Variants in CORO2A observed in about 807,000 individuals in gnomAD.
CORO2A encodes the protein coronin-2A.
CORO2A carries 47 observed loss-of-function variants against 62.4 expected under a neutral mutation model. The ratio of observed to expected loss-of-function variants is 0.75; its 90% CI spans 0.60 to 0.96. The LOEUF (loss-of-function observed/expected upper bound fraction) is 0.96, where lower values mean the gene tolerates loss of function less well. CORO2A is among the 40% of genes least tolerant of loss of function. CORO2A has a pLI of 0.00. For missense variants in CORO2A, 610 were observed against 684.1 expected (o/e 0.89, Z 1.21); for synonymous variants, 273 against 268.9 (o/e 1.02, Z -0.15).
In CORO2A at chr9:98,133,226, CAG is replaced by C. The variant is rs1564201633; in HGVS notation, c.469-11_469-10del. On this transcript the variant is annotated splice_polypyrimidine_tract_variant and intron_variant, in intron 4 of 11. Coordinates refer to ENST00000375077, the MANE Select transcript of CORO2A (RefSeq NM_052820.4). ...AGGTTCCAGATCATCACCTGCATGG[CAG>C]AGAGCCAGCTCTGAGCACAGGGGCC... 6.2e-7 allele frequency: 1 copy of C among 1,613,914 alleles called. No individual in the cohort carries two copies. Among genetic ancestry groups the C allele is most frequent in the Non-Finnish European group, 8.5e-7 (1 of 1,179,818 alleles).
At chr9:98,165,018 G>C (rs1230645553) in intron 1 of CORO2A, among the ~76,000 whole-genome samples, 1 of 152,106 alleles carries the variant, frequency 6.6e-6, no homozygotes, top group African/African-American at 2.4e-5. Context: ...ACCCAGGCTG[G>C]AGTGCAGAGG....
At chr9:98,165,506 G>C (rs989039248) in intron 1 of CORO2A, among the ~76,000 whole-genome samples, 1 of 152,192 alleles carries the variant, frequency 6.6e-6, no homozygotes, top group East Asian at 1.9e-4. Flanking sequence ...AGCAGGGCTC[G>C]GAGGGGTCAG....
At position 98,122,315 on chromosome 9, in the gene CORO2A, G is replaced by C. The variant is rs911805447; in HGVS notation, c.*2459C>G. ...GCCCTACTCTGGAGATTCAGCTTCA[G>C]TTGGTCTGGAATGTGGCATGGGCAT... is the stretch of plus-strand genomic sequence containing the variant. On this transcript the variant is annotated 3_prime_UTR_variant, in exon 12 of 12. Transcript: ENST00000375077. 1 of 152,256 alleles carries C rather than the reference G, an allele frequency of 6.6e-6. No individual in the cohort carries two copies. The highest frequency in any genetic ancestry group is 2.4e-5 in the African/African-American group (1 of 41,440). The allele number at this position is 152,256 out of a possible 1,614,324, so 9.4% of individuals were successfully genotyped here.
chr9:98,154,992 TTTC>T (rs1827783246), intron 2 of CORO2A, among the ~76,000 whole-genome samples: 1 of 152,180 alleles, frequency 6.6e-6, no homozygotes, highest in African/African-American at 2.4e-5. Flanking sequence ...GTATATGCAT[TTTC>T]TTCTTCTTTC....
rs185735572 is a variant in CORO2A at position 98,157,649 on chromosome 9, G to A, written c.12C>T (p.His4=). The part of the protein sequence containing the change: MSW[H]PQYRSSKFRH... ...GGAACTTGGAGCTCCGGTACTGGGG[G>A]TGCCATGACATCTGCAGGAGACAAA... Residue 4 remains histidine (H), a synonymous_variant, in exon 2 of 12, where the codon CAC becomes CAT. Coordinates refer to ENST00000375077, the MANE Select transcript of CORO2A (RefSeq NM_052820.4). 898 of 1,613,186 alleles carry A rather than the reference G, an allele frequency of 5.6e-4. 7 individuals carry two copies. The highest frequency in any genetic ancestry group is 1.0e-4 in the Non-Finnish European group (118 of 1,179,420).
intron 2 of CORO2A, among the ~76,000 whole-genome samples, chr9:98,144,649 TGGA>T (rs767222367): frequency 3.3e-5 from 5 of 152,098 alleles, no homozygotes; most frequent in Non-Finnish European, 7.4e-5. Flanking sequence ...GAAGGCTCCC[TGGA>T]GGAGGAGGAC....
intron 1 of CORO2A, among the ~76,000 whole-genome samples, chr9:98,171,655 A>G (rs774802815): frequency 2.0e-5 from 3 of 151,978 alleles, no homozygotes; most frequent in African/African-American, 4.8e-5. Context: ...GGCCAAGTAG[A>G]GCAAGCCCAG....
chr9:98,182,196 C>A (rs1361541453), intron 1 of CORO2A, among the ~76,000 whole-genome samples: 1 of 152,180 alleles, frequency 6.6e-6, no homozygotes, highest in Non-Finnish European at 1.5e-5. Context: ...TAATGCTTTA[C>A]ATACAGAAAG....
intron 1 of CORO2A, among the ~76,000 whole-genome samples, chr9:98,180,104 G>T (rs908692832): frequency 2.0e-5 from 3 of 152,158 alleles, no homozygotes; most frequent in Non-Finnish European, 2.9e-5. Flanking sequence ...ACGTCAGTGC[G>T]TCAGTGCTAA....
intron 1 of CORO2A, among the ~76,000 whole-genome samples, chr9:98,190,601 T>C (rs1294582147): frequency 6.6e-6 from 1 of 152,138 alleles, no homozygotes; most frequent in African/African-American, 2.4e-5. Context: ...TGAGACGACG[T>C]CTGAAGGCTC....
chr9:98,167,657 T>A (rs1017942125), intron 1 of CORO2A, among the ~76,000 whole-genome samples: 7 of 152,272 alleles, frequency 4.6e-5, no homozygotes, highest in African/African-American at 1.7e-4. Context: ...CAAAAAGGCA[T>A]CAGGAAGCAA....
chr9:98,167,025 G>GCT (rs942610349), intron 1 of CORO2A, among the ~76,000 whole-genome samples: 14 of 150,694 alleles, frequency 9.3e-5, no homozygotes, highest in African/African-American at 2.7e-4. Flanking sequence ...GATCACTTGA[G>GCT]CTCAGGAGTT....
In CORO2A at chr9:98,157,655, T is replaced by C. The variant is rs762009345; in HGVS notation, c.6A>G (p.Ser2=). The change falls in exon 2 of 12, where the codon TCA becomes TCG. Residue 2 remains serine, a synonymous_variant. Transcript: ENST00000375077. M[S]WHPQYRSSKF... Reference sequence around the variant, plus strand: ...TGGAGCTCCGGTACTGGGGGTGCCATGACATCTGCAGGAGACAAATGGGAC... The same window carrying C: ...TGGAGCTCCGGTACTGGGGGTGCCACGACATCTGCAGGAGACAAATGGGAC... The C allele has an allele frequency of 2.9e-5, 47 of 1,612,486 alleles. No individual in the cohort carries two copies. The African/African-American group carries it at 4.0e-4, about 14-fold the overall frequency.
intron 4 of CORO2A, 45 bp from the exon 5 acceptor site, chr9:98,133,262 C>A (rs747099970): frequency 3.1e-6 from 5 of 1,591,216 alleles, no homozygotes; most frequent in Non-Finnish European, 4.3e-6. Flanking sequence ...CCACCTTGCC[C>A]CTGGGCCTCA....
At chr9:98,128,022 T>A in intron 10 of CORO2A, 148 bp downstream of exon 10, 2 of 631,128 alleles carry the variant, frequency 3.2e-6, no homozygotes, top group South Asian at 4.4e-5. Flanking sequence ...GTGACCATGC[T>A]ACCCACTGGG....
chr9:98,144,312 T>C (rs979724041), intron 2 of CORO2A, among the ~76,000 whole-genome samples: 3 of 152,060 alleles, frequency 2.0e-5, no homozygotes, highest in East Asian at 3.9e-4. Context: ...CCCCAGGACA[T>C]AGTACAAGAA....
chr9:98,126,783 C>T lies in CORO2A; in HGVS notation c.1212G>A (p.Leu404=), dbSNP rs757521278. 3 of 1,614,044 alleles carry T rather than the reference C, an allele frequency of 1.9e-6. No homozygotes were observed. The highest frequency in any genetic ancestry group is 2.7e-5 in the African/African-American group (2 of 74,916). The change falls in exon 11 of 12, where the codon CTG becomes CTA. Residue 404 remains leucine (L), a synonymous_variant. Coordinates refer to ENST00000375077, the MANE Select transcript of CORO2A (RefSeq NM_052820.4). ...TCTCTGCAGGCAGTGGGTGGGGTCTCAGCAGCTCAGAGCCAGGCCTAAGGG... is the reference window on the plus strand; with the variant it reads ...TCTCTGCAGGCAGTGGGTGGGGTCTTAGCAGCTCAGAGCCAGGCCTAAGGG... ...LVSLRPGSEL[L]RPHPLPAERP... is the part of the protein sequence containing the mutation.
At chr9:98,164,185 C>T (rs750064376) in intron 1 of CORO2A, among the ~76,000 whole-genome samples, 19 of 152,176 alleles carry the variant, frequency 1.2e-4, no homozygotes, top group Admixed American at 6.5e-5. Context: ...CCACAAGTTA[C>T]CCAGTTATTT....
chr9:98,128,364 T>G lies in CORO2A; in HGVS notation c.1081-104A>C, dbSNP rs902314976. ...CAGGCTCTCACCAACCCCTGCTGAA[T>G]TGAGGAAACTGAGGCCCAGAGAACA... On this transcript the variant is annotated intron_variant, in intron 9 of 11. Coordinates refer to ENST00000375077, the MANE Select transcript of CORO2A (RefSeq NM_052820.4). 1.6e-4 allele frequency: 152 copies of G among 955,446 alleles called. 2 individuals carry two copies. Among genetic ancestry groups the G allele is most frequent in the South Asian group, 1.3e-3 (84 of 65,580 alleles). 59.2% of individuals were successfully genotyped at this position (955,446 alleles called of 1,614,324 possible). A position where few individuals can be genotyped will look rare whatever the true frequency, so the allele number is the denominator to read the frequency against.
Sources: allele counts gnomAD v4.1 joint callset (sites outside exome capture counted in the v4.1 genomes callset), GRCh38; gene constraint gnomAD v4.1.1; transcripts MANE v1.5; gene names NCBI Gene and HGNC (gene_info 2026-07-23, HGNC 2026-07-21).